IFT140: variants seen among roughly 807,000 people sequenced by gnomAD.
IFT140 encodes intraflagellar transport protein 140 homolog.
Under a neutral mutation model 164.6 loss-of-function variants are expected in IFT140, and 133 were observed. The observed-to-expected ratio is 0.81, with a 90% CI of 0.70 to 0.93. IFT140 has a LOEUF of 0.93. IFT140 is among the 40% of genes least tolerant of loss of function. The pLI, the probability that IFT140 is intolerant of heterozygous loss-of-function variation, is 0.00. For synonymous variants in IFT140, 860 were observed against 817.3 expected (o/e 1.05, Z -0.89); for missense variants, 2,045 against 1,972.3 (o/e 1.04, Z -0.70).
intron 19 of IFT140, chr16:1,555,132 G>A (rs2141429686): frequency 2.1e-6 from 3 of 1,415,722 alleles, no homozygotes; most frequent in Admixed American, 2.2e-5. Flanking sequence ...GCAGAGGCAC[G>A]GGATGAGTCT....
At chr16:1,579,963 CA>C (rs56411833) in intron 13 of IFT140, among the ~76,000 whole-genome samples, 11,511 of 106,644 alleles carry the variant, frequency 0.11, 521 homozygotes, top group African/African-American at 0.17. Flanking sequence ...GACTCCATCT[CA>C]AAAAAAAAAA....
chr16:1,528,858 A>C (rs539065428), intron 19 of IFT140: 4 of 152,254 alleles, frequency 2.6e-5, no homozygotes, highest in Admixed American at 2.6e-4. Flanking sequence ...TGCCCCTGTG[A>C]GAAGGAGGGG....
At chr16:1,587,784 G>T in intron 8 of IFT140, 149 bp downstream of exon 8, 1 of 632,958 alleles carries the variant, frequency 1.6e-6, no homozygotes, top group Non-Finnish European at 2.7e-6. Context: ...TCCTCAGTCT[G>T]GGAGCTGGTG....
At chr16:1,556,481 G>T (rs2033093111) in intron 19 of IFT140, among the ~76,000 whole-genome samples, 1 of 152,244 alleles carries the variant, frequency 6.6e-6, no homozygotes, top group South Asian at 2.1e-4. Flanking sequence ...GTCGGGGCCG[G>T]GCCATCAGGC....
At chr16:1,511,205 TCTGCCTGCA>T in intron 30 of IFT140, 55 bp from the exon 31 acceptor site, 2 of 1,485,538 alleles carry the variant, frequency 1.3e-6, no homozygotes, top group Non-Finnish European at 9.2e-7. Context: ...GGCACGACCC[TCTGCCTGCA>T]GGCCAGGCAC....
At chr16:1,526,191 G>T in intron 20 of IFT140, 114 bp from the exon 21 acceptor site, 2 of 1,009,010 alleles carry the variant, frequency 2.0e-6, no homozygotes, top group Non-Finnish European at 2.9e-6. Flanking sequence ...CAAGCACACT[G>T]ACACACGGGG....
In IFT140 at chr16:1,533,242, C is replaced by G. The variant is rs888012522; in HGVS notation, c.2400-6446G>C. The G allele has an allele frequency of 6.6e-6, 1 of 152,306 alleles. No individual in the cohort carries two copies. The highest frequency in any genetic ancestry group is 2.4e-5 in the African/African-American group (1 of 41,404). The allele number at this position is 152,306 out of a possible 1,614,324, so 9.4% of individuals were successfully genotyped here. ...CAGCAATCCTGTGATATCTGCCCCC[C>G]TTTTGAGGGCAGCATTCCCGTGGCG... On this transcript the variant is annotated intron_variant, in intron 19 of 30. Coordinates refer to ENST00000426508, the MANE Select transcript of IFT140 (RefSeq NM_014714.4). The surrounding 1 kb of genome is among the most constrained non-coding windows in gnomAD (Gnocchi z 4.7).
At chr16:1,582,995 GC>G (rs2034656928) in intron 12 of IFT140, among the ~76,000 whole-genome samples, 1 of 152,234 alleles carries the variant, frequency 6.6e-6, no homozygotes, top group Non-Finnish European at 1.5e-5. Context: ...ACAGAGGCTG[GC>G]CTTGGGTCAA....
intron 19 of IFT140, among the ~76,000 whole-genome samples, chr16:1,535,012 C>G (rs747265219): frequency 6.6e-6 from 1 of 151,998 alleles, no homozygotes; most frequent in Non-Finnish European, 1.5e-5. Flanking sequence ...CAAGACGAAC[C>G]TAGCCTACAT....
At chr16:1,561,861 A>T in intron 18 of IFT140, 124 bp downstream of exon 18, 3 of 930,866 alleles carry the variant, frequency 3.2e-6, no homozygotes, top group Non-Finnish European at 4.6e-6. Context: ...CTGTCTACGG[A>T]GAGGGAAGCC....
At position 1,583,401 on chromosome 16, in the gene IFT140, G is replaced by A. The variant is rs761813243; in HGVS notation, c.1360-15C>T. 6.2e-6 allele frequency: 10 copies of A among 1,612,734 alleles called. No homozygotes were observed. The highest frequency in any genetic ancestry group is 1.1e-5 in the South Asian group (1 of 91,050). On this transcript the variant is annotated splice_polypyrimidine_tract_variant and intron_variant, in intron 11 of 30. Transcript: ENST00000426508. ...GCGACAGCATCCTGAAAAGAACCAC[G>A]GACATTCGAGGCAAAGGGCGGGAAA...
chr16:1,553,196 G>GTGTCTC lies in IFT140; in HGVS notation c.2399+4733_2399+4738dup. 2.0e-6 allele frequency: 2 copies of GTGTCTC among 983,568 alleles called. No individual in the cohort carries two copies. The highest frequency in any genetic ancestry group is 2.4e-6 in the Non-Finnish European group (2 of 828,354). 60.9% of individuals were successfully genotyped at this position (983,568 alleles called of 1,614,324 possible). ...TCTTGCTCTCTGTCTCTCCTTCCCT[G>GTGTCTC]TGTCTCTGTCTCTGTCTCTCTCTGT... On this transcript the variant is annotated intron_variant, in intron 19 of 30. Coordinates refer to ENST00000426508, the MANE Select transcript of IFT140 (RefSeq NM_014714.4). The surrounding 1 kb of genome is among the most constrained non-coding windows in gnomAD (Gnocchi z 4.4).
At chr16:1,562,526 C>T (rs2033471949) in intron 17 of IFT140, among the ~76,000 whole-genome samples, 1 of 152,292 alleles carries the variant, frequency 6.6e-6, no homozygotes, top group Non-Finnish European at 1.5e-5. Flanking sequence ...GTAATCCCAG[C>T]ACTTTGGGAG....
Position 1,523,953 on chromosome 16 carries a change from TCTC to T in IFT140, c.3142_3144del (p.Glu1048del), listed in dbSNP as rs754866110. Reference sequence around the variant, plus strand: ...TTCATGAGCTGGTCGTCCAGGCCGTTCTCCTGCAGGGAGGGAGGCAGGGCCCTG... The same window carrying T: ...TTCATGAGCTGGTCGTCCAGGCCGTTCTGCAGGGAGGGAGGCAGGGCCCTG... On this transcript the variant is annotated inframe_deletion and splice_region_variant, in exon 25 of 31. Transcript: ENST00000426508. The T allele has an allele frequency of 8.6e-5, 138 of 1,611,576 alleles. No homozygotes were observed. Among genetic ancestry groups the T allele is most frequent in the Non-Finnish European group, 1.1e-4 (132 of 1,179,860 alleles).
chr16:1,516,049 A>T (rs754611271), intron 30 of IFT140, among the ~76,000 whole-genome samples: 2 of 149,648 alleles, frequency 1.3e-5, no homozygotes, highest in Non-Finnish European at 3.0e-5. Flanking sequence ...CTGAGGCAGG[A>T]GAATCACTTG....
At chr16:1,549,986 C>CT (rs1014105951) in intron 19 of IFT140, among the ~76,000 whole-genome samples, 1 of 152,074 alleles carries the variant, frequency 6.6e-6, no homozygotes, top group African/African-American at 2.4e-5. Context: ...TTCTTCTTCT[C>CT]TTTTTTGTCG....
intron 13 of IFT140, among the ~76,000 whole-genome samples, chr16:1,574,434 T>C (rs1466187348): frequency 3.3e-5 from 5 of 152,108 alleles, no homozygotes; most frequent in African/African-American, 1.2e-4. Context: ...TTTGCCACCA[T>C]GCCTGGCTAA....
chr16:1,544,019 C>CTT (rs768616715), intron 19 of IFT140, among the ~76,000 whole-genome samples: 59 of 140,060 alleles, frequency 4.2e-4, no homozygotes, highest in African/African-American at 1.3e-3. Flanking sequence ...CACTACATTT[C>CTT]TTTTTTTTTT....
At chr16:1,598,074 G>A (rs778684343) in intron 4 of IFT140, among the ~76,000 whole-genome samples, 2 of 152,170 alleles carry the variant, frequency 1.3e-5, no homozygotes, top group Non-Finnish European at 2.9e-5. Context: ...AATGTCATTA[G>A]GTGGGAATTA....
Sources: allele counts gnomAD v4.1 joint callset (sites outside exome capture counted in the v4.1 genomes callset), GRCh38; gene constraint gnomAD v4.1.1; non-coding constraint Gnocchi (gnomAD v3.1); transcripts MANE v1.5; gene names NCBI Gene and HGNC (gene_info 2026-07-23, HGNC 2026-07-21).